Variants in COPG2 observed in about 807,000 individuals in gnomAD.
COPG2 encodes coatomer subunit gamma-2.
A neutral mutation model predicts 46.3 loss-of-function variants in COPG2; 37 were observed. The ratio of observed to expected loss-of-function variants is 0.80; its 90% confidence interval spans 0.61 to 1.05. The LOEUF is 1.05. Among genes scored for constraint, COPG2 ranks in the 50% least tolerant of loss-of-function variants. The pLI is 0.00. For missense variants in COPG2, 427 were observed against 387.8 expected, an observed-to-expected ratio of 1.10 and a Z score of -0.85; for synonymous variants, 159 against 129.7, an observed-to-expected ratio of 1.23 and a Z score of -1.53.
chr7:130,621,055 T>C (rs1254651745), intron 5 of COPG2, among the ~76,000 whole-genome samples: 3 of 152,102 alleles, frequency 2.0e-5, no homozygotes, highest in African/African-American at 7.2e-5. Context: ...AGTGTCCCCA[T>C]AAGAGCAAGG....
intron 9 of COPG2, chr7:130,608,186 G>T: frequency 2.2e-6 from 1 of 451,522 alleles, no homozygotes; most frequent in Non-Finnish European, 4.4e-6. Context: ...TTATCACAGT[G>T]TATCATCAAA....
intron 5 of COPG2, among the ~76,000 whole-genome samples, chr7:130,643,734 A>G (rs1267552188): frequency 6.6e-6 from 1 of 152,168 alleles, no homozygotes; most frequent in Non-Finnish European, 1.5e-5. Context: ...AAGGCATGTC[A>G]GAGGATCCTC....
intron 17 of COPG2, among the ~76,000 whole-genome samples, chr7:130,550,132 T>C (rs1318700442): frequency 6.6e-6 from 1 of 152,104 alleles, no homozygotes; most frequent in Non-Finnish European, 1.5e-5. Flanking sequence ...GACAATCGGC[T>C]GAGCACGGTG....
At chr7:130,567,466 C>T (rs1793823391) in intron 9 of COPG2, among the ~76,000 whole-genome samples, 1 of 152,100 alleles carries the variant, frequency 6.6e-6, no homozygotes, top group East Asian at 1.9e-4. Context: ...AAAGAACAGC[C>T]AGAAAATTCA....
At chr7:130,516,396 G>T (rs1274869677) in intron 20 of COPG2, among the ~76,000 whole-genome samples, 2 of 152,156 alleles carry the variant, frequency 1.3e-5, no homozygotes, top group African/African-American at 4.8e-5. Flanking sequence ...ACTATGAAAG[G>T]TTAGGCTATA....
chr7:130,527,181 G>T (rs1216155001), intron 20 of COPG2, among the ~76,000 whole-genome samples: 1 of 151,674 alleles, frequency 6.6e-6, no homozygotes, highest in Non-Finnish European at 1.5e-5. Context: ...CAGTCATATG[G>T]GTAGGTGGGG....
intron 14 of COPG2, among the ~76,000 whole-genome samples, chr7:130,552,992 G>A (rs1793556852): frequency 6.6e-6 from 1 of 152,140 alleles, no homozygotes; most frequent in Non-Finnish European, 1.5e-5. Context: ...TACACAGAAA[G>A]GAACTAAATC....
chr7:130,524,663 A>G (rs1799757192), intron 20 of COPG2, among the ~76,000 whole-genome samples: 2 of 152,148 alleles, frequency 1.3e-5, no homozygotes, highest in South Asian at 4.1e-4. Context: ...CAGATGGGGC[A>G]AAGTGTGTGA....
At chr7:130,605,190 C>T in intron 9 of COPG2, 1 of 520,086 alleles carries the variant, frequency 1.9e-6, no homozygotes. Context: ...TTCTCCTGCT[C>T]TATCTTCAAA....
At chr7:130,647,088 T>C (rs1487813177) in intron 5 of COPG2, among the ~76,000 whole-genome samples, 2 of 151,586 alleles carry the variant, frequency 1.3e-5, no homozygotes, top group Non-Finnish European at 2.9e-5. Context: ...TCACCCAGGC[T>C]GGAGTGCAGT....
chr7:130,591,839 G>A (rs1196631407), intron 9 of COPG2, among the ~76,000 whole-genome samples: 5 of 151,634 alleles, frequency 3.3e-5, no homozygotes, highest in Admixed American at 1.3e-4. Flanking sequence ...GCCTCTGTCC[G>A]GCCACCCCTA....
At chr7:130,511,624 G>A (rs1799596310) in intron 20 of COPG2, 1 of 517,890 alleles carries the variant, frequency 1.9e-6, no homozygotes, top group African/African-American at 1.9e-5. Flanking sequence ...AGGAAGGTAA[G>A]ACAGCATTGC....
chr7:130,590,601 C>T (rs1177811882), intron 9 of COPG2, among the ~76,000 whole-genome samples: 3 of 151,968 alleles, frequency 2.0e-5, no homozygotes, highest in East Asian at 1.9e-4. Flanking sequence ...GATCTCGGCT[C>T]GCTACAACCT....
chr7:130,646,749 G>A (rs13438006), intron 5 of COPG2, among the ~76,000 whole-genome samples: 22,067 of 151,414 alleles, frequency 0.15, 2,964 homozygotes, highest in African/African-American at 0.36. Context: ...TTTATAAATG[G>A]CAGTTTTTGC....
At chr7:130,525,288 C>G (rs907042118) in intron 20 of COPG2, among the ~76,000 whole-genome samples, 1 of 152,158 alleles carries the variant, frequency 6.6e-6, no homozygotes, top group African/African-American at 2.4e-5. Flanking sequence ...GGGGCACTGA[C>G]AGATCTCATG....
chr7:130,555,038 T>A lies in COPG2; in HGVS notation c.1223A>T (p.Asp408Val). ...MTFLSNMLRDDGGFEYKRAIV... is the reference protein window; with the variant it reads ...MTFLSNMLRDVGGFEYKRAIV... ...ATGATTAAAAAGTAGTCTACCTACA[T>A]CATCTCGGAGCATGTTGGAGAGGAA... Residue 408 changes from aspartate to valine, a missense_variant and splice_region_variant, in exon 13 of 24, where the codon GAT becomes GTT. Asp to Val is a radical substitution (Grantham distance 152, BLOSUM62 -3). Coordinates refer to ENST00000425248, the MANE Select transcript of COPG2 (RefSeq NM_012133.6). The A allele has an allele frequency of 5.0e-6, 2 of 398,530 alleles. No homozygotes were observed. Among genetic ancestry groups the A allele is most frequent in the East Asian group, 7.1e-5 (2 of 28,058 alleles). The allele number at this position is 398,530 out of a possible 1,614,324, so 24.7% of individuals were successfully genotyped here.
chr7:130,624,734 A>C (rs1333450582), intron 5 of COPG2, among the ~76,000 whole-genome samples: 2 of 152,204 alleles, frequency 1.3e-5, no homozygotes, highest in Non-Finnish European at 2.9e-5. Context: ...AGTTGCTGCA[A>C]AAGACATTCT....
chr7:130,553,321 G>C (rs1202210722), intron 14 of COPG2, among the ~76,000 whole-genome samples: 2 of 151,828 alleles, frequency 1.3e-5, no homozygotes, highest in African/African-American at 4.8e-5. Context: ...TTGTACATTT[G>C]AAAGTCCCCC....
At chr7:130,545,640 G>C (rs1403302209) in intron 20 of COPG2, among the ~76,000 whole-genome samples, 1 of 152,126 alleles carries the variant, frequency 6.6e-6, no homozygotes, top group Non-Finnish European at 1.5e-5. Context: ...GTAGGTATAT[G>C]ATGGGTCAAA....
Sources: allele counts gnomAD v4.1 joint callset (sites outside exome capture counted in the v4.1 genomes callset), GRCh38; gene constraint gnomAD v4.1.1; transcripts MANE v1.5; gene names NCBI Gene and HGNC (gene_info 2026-07-23, HGNC 2026-07-21).